CYTH3: variants seen among roughly 807,000 people sequenced by gnomAD.
CYTH3 encodes the protein cytohesin 3.
In CYTH3, 23 loss-of-function variants were observed where a neutral mutation model predicts 55.1. The ratio of observed to expected loss-of-function variants is 0.42; its 90% CI spans 0.30 to 0.59. CYTH3 has a LOEUF of 0.59. Ranked by LOEUF, CYTH3 falls within the 20% of genes least tolerant of loss-of-function variation. The probability of loss-of-function intolerance (pLI) is 0.20; values close to 1 mark genes in which losing one functional copy is unlikely to be tolerated. For missense variants in CYTH3, 413 were observed against 524.8 expected (o/e 0.79, Z 2.08); for synonymous variants, 249 against 194.9 (o/e 1.28, Z -2.31).
rs1199607744 is a variant in CYTH3 at position 6,170,396 on chromosome 7, G to T, written c.823+139C>A. The T allele has an allele frequency of 1.3e-6, 1 of 767,594 alleles. No individual in the cohort carries two copies. The allele number at this position is 767,594 out of a possible 1,614,324, so 47.5% of individuals were successfully genotyped here. On this transcript the variant is annotated intron_variant, in intron 9 of 12. Transcript: ENST00000350796. This position sits in a 1 kb window ranked among gnomAD's most constrained non-coding sequence, Gnocchi z 7.8. ...GTGGCCATGCAGCTACCGAGAGCGG[G>T]CTCTGGCTTAACCGCGTTTCTTTTT...
At chr7:6,267,648 C>G (rs575776671) in intron 1 of CYTH3, among the ~76,000 whole-genome samples, 3 of 152,128 alleles carry the variant, frequency 2.0e-5, no homozygotes, top group Non-Finnish European at 2.9e-5. Context: ...CTCAGCCTCT[C>G]GAGCAGCTGG....
At chr7:6,257,803 A>G (rs1454286773) in intron 1 of CYTH3, among the ~76,000 whole-genome samples, 4 of 152,194 alleles carry the variant, frequency 2.6e-5, no homozygotes, top group African/African-American at 4.8e-5. Flanking sequence ...CTGTTCAATC[A>G]TTTAAACAAG....
intron 2 of CYTH3, among the ~76,000 whole-genome samples, chr7:6,189,767 T>C (rs921654804): frequency 2.0e-5 from 3 of 151,748 alleles, no homozygotes; most frequent in Non-Finnish European, 2.9e-5. Flanking sequence ...CTGGGCGCAG[T>C]GGCTCACGTC....
chr7:6,166,927 A>G lies in CYTH3; in HGVS notation c.824-1117T>C, dbSNP rs77502264. Among the ~76,000 whole-genome samples the G allele has an allele frequency of 3.8e-3, 584 of 152,230 alleles. 5 individuals carry two copies. Among genetic ancestry groups the G allele is most frequent in the African/African-American group, 0.013 (558 of 41,530 alleles). On this transcript the variant is annotated intron_variant, in intron 9 of 12. Coordinates refer to ENST00000350796, the MANE Select transcript of CYTH3 (RefSeq NM_004227.4). Reference sequence around the variant, plus strand: ...TCAGTGTCCCACCAGCCTACCTGTTAAAGGGTCTGTCTAGACCCTGGTCTG... The same window carrying G: ...TCAGTGTCCCACCAGCCTACCTGTTGAAGGGTCTGTCTAGACCCTGGTCTG...
rs1782938716 is a variant in CYTH3, at chr7:6,164,805, C to T, written c.*139G>A. 2 of 972,396 alleles carry T rather than the reference C, an allele frequency of 2.1e-6. No individual in the cohort carries two copies. Among genetic ancestry groups the T allele is most frequent in the Non-Finnish European group, 3.2e-6 (2 of 625,638 alleles). 60.2% of individuals were successfully genotyped at this position (972,396 alleles called of 1,614,324 possible). A position where few individuals can be genotyped will look rare whatever the true frequency, so the allele number is the denominator to read the frequency against. The stretch of plus-strand genomic sequence containing the variant: ...ACGGCACGAGGCCTTGGGGATACCA[C>T]CTGGGCCACGGTATGCTCTGGAGCA... On this transcript the variant is annotated 3_prime_UTR_variant, in exon 13 of 13. Coordinates refer to ENST00000350796, the MANE Select transcript of CYTH3 (RefSeq NM_004227.4).
chr7:6,198,112 GA>G (rs547379573), intron 1 of CYTH3, among the ~76,000 whole-genome samples: 16 of 131,690 alleles, frequency 1.2e-4, no homozygotes, highest in East Asian at 1.1e-3. Flanking sequence ...AAAAAAAAAG[GA>G]AAAAAAAAAC....
intron 1 of CYTH3, among the ~76,000 whole-genome samples, chr7:6,203,834 T>C (rs891450761): frequency 2.0e-5 from 3 of 152,000 alleles, no homozygotes; most frequent in African/African-American, 7.2e-5. Flanking sequence ...TTCTCCTGTC[T>C]CAGCCTCCCG....
chr7:6,260,760 G>A (rs1410428746), intron 1 of CYTH3, among the ~76,000 whole-genome samples: 2 of 152,054 alleles, frequency 1.3e-5, no homozygotes, highest in African/African-American at 4.8e-5. Flanking sequence ...TTGCTGTGCT[G>A]TCCTCAGTCC....
chr7:6,216,232 T>A (rs7800777), intron 1 of CYTH3, among the ~76,000 whole-genome samples: 16,183 of 152,080 alleles, frequency 0.11, 2,335 homozygotes, highest in African/African-American at 0.33. Flanking sequence ...TCAATATATA[T>A]GGAAGAAATA....
chr7:6,197,145 G>A (rs1480337672), intron 1 of CYTH3, among the ~76,000 whole-genome samples: 2 of 152,156 alleles, frequency 1.3e-5, no homozygotes, highest in African/African-American at 4.8e-5. Context: ...GGATTTCCTT[G>A]ATTTTTATCT....
At chr7:6,256,053 G>A (rs1001182625) in intron 1 of CYTH3, among the ~76,000 whole-genome samples, 3 of 152,130 alleles carry the variant, frequency 2.0e-5, no homozygotes, top group African/African-American at 4.8e-5. Context: ...ATGAGCCATT[G>A]CGCCCGGCCA....
At position 6,190,548 on chromosome 7, in the gene CYTH3, A is replaced by G. The variant is rs755926582; in HGVS notation, c.35-17T>C. 1.4e-5 allele frequency: 21 copies of G among 1,497,674 alleles called. No homozygotes were observed. The South Asian group carries it at 1.6e-4, about 11-fold the overall frequency. 92.8% of individuals were successfully genotyped at this position (1,497,674 alleles called of 1,614,324 possible). A position where few individuals can be genotyped will look rare whatever the true frequency, so the allele number is the denominator to read the frequency against. Reference sequence around the variant, plus strand: ...CTTCAGGCACTGAAAGAAGAAAAAAATAATTAACTACTTTGGAGAACACAT... The same window carrying G: ...CTTCAGGCACTGAAAGAAGAAAAAAGTAATTAACTACTTTGGAGAACACAT... On this transcript the variant is annotated splice_polypyrimidine_tract_variant and intron_variant, in intron 1 of 12. Coordinates refer to ENST00000350796, the MANE Select transcript of CYTH3 (RefSeq NM_004227.4).
chr7:6,190,692 C>T (rs908798809), intron 1 of CYTH3, among the ~76,000 whole-genome samples, 161 bp from the exon 2 acceptor site: 2 of 152,038 alleles, frequency 1.3e-5, no homozygotes, highest in African/African-American at 4.8e-5. Context: ...CATAGGAGCG[C>T]TCTTTATAAC....
chr7:6,229,991 G>T (rs529289751), intron 1 of CYTH3, among the ~76,000 whole-genome samples: 1 of 151,910 alleles, frequency 6.6e-6, no homozygotes, highest in African/African-American at 2.4e-5. Flanking sequence ...AAAGTCAGCC[G>T]GGTGTGGTGG....
intron 1 of CYTH3, among the ~76,000 whole-genome samples, chr7:6,246,395 A>G (rs997458904): frequency 2.6e-5 from 4 of 152,088 alleles, no homozygotes; most frequent in African/African-American, 9.7e-5. Flanking sequence ...TTAAAAGCCA[A>G]TTTACAAAAC....
In CYTH3 at chr7:6,171,490, G is replaced by A. The variant is rs558597628; in HGVS notation, c.450-176C>T. ...AGAAGACCCAGGACAGTCTCCTTCCGTTCCATAACTCGAGACACGCTTACT... is the reference window on the plus strand; with the variant it reads ...AGAAGACCCAGGACAGTCTCCTTCCATTCCATAACTCGAGACACGCTTACT... On this transcript the variant is annotated intron_variant, in intron 6 of 12. Transcript: ENST00000350796. The surrounding 1 kb of genome is among the most constrained non-coding windows in gnomAD (Gnocchi z 6.7). Among the ~76,000 whole-genome samples, 12 of 152,258 alleles carry A rather than the reference G, an allele frequency of 7.9e-5. No homozygotes were observed. The South Asian group carries it at 1.5e-3, about 18-fold the overall frequency.
intron 1 of CYTH3, among the ~76,000 whole-genome samples, chr7:6,205,210 GAAATT>G (rs991357752): frequency 3.9e-5 from 6 of 151,956 alleles, no homozygotes; most frequent in African/African-American, 9.7e-5. Flanking sequence ...CATTTGTTTG[GAAATT>G]AAATTAAGAA....
chr7:6,226,908 G>A (rs1027053489), intron 1 of CYTH3, among the ~76,000 whole-genome samples: 23 of 152,056 alleles, frequency 1.5e-4, no homozygotes, highest in Non-Finnish European at 3.1e-4. Context: ...GTGAAACCCC[G>A]TCTCTACTAA....
chr7:6,167,219 C>G lies in CYTH3; in HGVS notation c.824-1409G>C, dbSNP rs1435505673. 2.0e-5 allele frequency among the ~76,000 whole-genome samples: 3 copies of G among 152,218 alleles called. No homozygotes were observed. The highest frequency in any genetic ancestry group is 4.4e-5 in the Non-Finnish European group (3 of 68,034). On this transcript the variant is annotated intron_variant, in intron 9 of 12. Transcript: ENST00000350796. This position sits in a 1 kb window ranked among gnomAD's most constrained non-coding sequence, Gnocchi z 5.5. ...CTCTCTGCAAGCCCTTGGCCTTCACCTTCCCCACCTCCACTGCAGCACACC... is the reference window on the plus strand; with the variant it reads ...CTCTCTGCAAGCCCTTGGCCTTCACGTTCCCCACCTCCACTGCAGCACACC...
Sources: gnomAD v4.1 joint callset for allele counts (sites outside exome capture counted in the v4.1 genomes callset) on GRCh38, gnomAD v4.1.1 for gene constraint, Gnocchi (gnomAD v3.1) non-coding constraint, MANE v1.5 for transcripts, NCBI Gene and HGNC (gene_info 2026-07-23, HGNC 2026-07-21) for gene names.